Variants in ARAP2 observed in about 807,000 individuals in gnomAD.
The protein encoded by ARAP2 is arf-GAP with Rho-GAP domain, ANK repeat and PH domain-containing protein 2.
A neutral mutation model predicts 194.5 loss-of-function variants in ARAP2; 148 were observed. The ratio of observed to expected loss-of-function variants is 0.76; its 90% confidence interval spans 0.67 to 0.87. The LOEUF (loss-of-function observed/expected upper bound fraction) is 0.87. Ranked by LOEUF, ARAP2 falls within the 40% of genes least tolerant of loss-of-function variation. The probability of loss-of-function intolerance (pLI) is 0.00; values close to 1 mark genes in which losing one functional copy is unlikely to be tolerated. For synonymous variants in ARAP2, 695 were observed against 683.5 expected (o/e 1.02, Z -0.26); for missense variants, 2,128 against 1,989.7 (o/e 1.07, Z -1.32).
At chr4:36,059,039 C>T (rs2109270304) in intron 1 of ARAP2, among the ~76,000 whole-genome samples, 1 of 151,832 alleles carries the variant, frequency 6.6e-6, no homozygotes, top group South Asian at 2.1e-4. Context: ...AGTTCTAAGG[C>T]CTTTTCATGC....
chr4:36,053,140 G>A (rs1722960789), intron 2 of ARAP2, among the ~76,000 whole-genome samples: 1 of 151,684 alleles, frequency 6.6e-6, no homozygotes, highest in South Asian at 2.1e-4. Flanking sequence ...CTGAGTAGCT[G>A]GGGTTACAGG....
intron 2 of ARAP2, among the ~76,000 whole-genome samples, chr4:36,220,228 C>CGTGTGT (rs112046124): frequency 1.2e-4 from 18 of 149,642 alleles, no homozygotes; most frequent in Admixed American, 7.3e-4. Flanking sequence ...TATAGGCACA[C>CGTGTGT]GTGTGTGTGT....
chr4:36,094,299 CTA>C (rs1290422515), intron 27 of ARAP2, among the ~76,000 whole-genome samples: 1 of 152,100 alleles, frequency 6.6e-6, no homozygotes, highest in Non-Finnish European at 1.5e-5. Context: ...ACATTATGTA[CTA>C]TCTGTGGCTG....
intron 24 of ARAP2, 74 bp from the exon 25 acceptor site, chr4:36,117,209 T>C: frequency 9.8e-7 from 1 of 1,020,556 alleles, no homozygotes; most frequent in Non-Finnish European, 1.4e-6. Flanking sequence ...TGAAGACAGC[T>C]ATAAAGCCCC....
chr4:36,212,660 A>C (rs779697772), intron 4 of ARAP2, among the ~76,000 whole-genome samples, 173 bp from the exon 5 acceptor site: 10 of 90,584 alleles, frequency 1.1e-4, no homozygotes, highest in Non-Finnish European at 2.0e-4. Flanking sequence ...TCTACATTAA[A>C]CAGACTTTTG....
chr4:36,080,835 G>C (rs1729365185), intron 30 of ARAP2, among the ~76,000 whole-genome samples: 1 of 152,130 alleles, frequency 6.6e-6, no homozygotes, highest in Non-Finnish European at 1.5e-5. Context: ...TTGTCCTGAA[G>C]GCTCCTGTAG....
intron 3 of ARAP2, among the ~76,000 whole-genome samples, chr4:36,047,793 AG>A (rs1272451230): frequency 6.6e-6 from 1 of 152,206 alleles, no homozygotes; most frequent in Admixed American, 6.5e-5. Flanking sequence ...AAATTTCATT[AG>A]TATTCTTATT....
intron 6 of ARAP2, among the ~76,000 whole-genome samples, chr4:36,198,409 A>G (rs957548892): frequency 6.6e-6 from 1 of 152,190 alleles, no homozygotes; most frequent in African/African-American, 2.4e-5. Flanking sequence ...CCTAACCTTT[A>G]GGCCCTCCCT....
chr4:36,076,745 C>T (rs1375570146), intron 31 of ARAP2, among the ~76,000 whole-genome samples: 1 of 151,974 alleles, frequency 6.6e-6, no homozygotes, highest in African/African-American at 2.4e-5. Flanking sequence ...ATTTTAGCCC[C>T]AAACCTGTGC....
Position 36,080,394 on chromosome 4 carries a change from G to A in ARAP2, c.4545-115C>T, listed in dbSNP as rs1046623716. On this transcript the variant is annotated intron_variant, in intron 30 of 32. Transcript: ENST00000303965. ...CTCTGGGTCTCTCCTGATTAATGAC[G>A]TAATGCAATCACAAAAGTGGAACAT... 26 of 751,954 alleles carry A rather than the reference G, an allele frequency of 3.5e-5. No individual in the cohort carries two copies. The East Asian group carries it at 4.6e-4, about 13-fold the overall frequency. The allele number at this position is 751,954 out of a possible 1,614,324, so 46.6% of individuals were successfully genotyped here.
intron 6 of ARAP2, among the ~76,000 whole-genome samples, chr4:36,204,004 G>T (rs1434931661): frequency 2.0e-5 from 3 of 152,038 alleles, no homozygotes; most frequent in Admixed American, 1.3e-4. Flanking sequence ...AAAAGAACAT[G>T]TTTTGTATGT....
At chr4:36,136,974 G>A (rs949994852) in intron 19 of ARAP2, among the ~76,000 whole-genome samples, 4 of 151,362 alleles carry the variant, frequency 2.6e-5, no homozygotes, top group African/African-American at 9.7e-5. Flanking sequence ...ACGTATATAT[G>A]TAAAATCAAT....
chr4:36,098,319 A>G (rs969115929), intron 27 of ARAP2, among the ~76,000 whole-genome samples: 4 of 151,978 alleles, frequency 2.6e-5, no homozygotes, highest in Non-Finnish European at 5.9e-5. Flanking sequence ...ATTCCACTTC[A>G]TTCCCATTGT....
At chr4:36,136,612 G>A (rs1190836832) in intron 19 of ARAP2, among the ~76,000 whole-genome samples, 2 of 151,610 alleles carry the variant, frequency 1.3e-5, no homozygotes, top group Non-Finnish European at 2.9e-5. Context: ...AAACAAAACT[G>A]AAAAGCAAAT....
rs543633202 is a variant in ARAP2, at chr4:36,191,055, G to A, written c.1557+2523C>T. ...CACAGCATCTTTGGGGACAGTGTAA[G>A]AGCCCCTCTGCTCTAAGTCTGTAGA... On this transcript the variant is annotated intron_variant, in intron 7 of 32. Transcript: ENST00000303965. Among the ~76,000 whole-genome samples the A allele has an allele frequency of 3.3e-5, 5 of 152,328 alleles. 1 individual carries two copies. Among genetic ancestry groups the A allele is most frequent in the Admixed American group, 2.6e-4 (4 of 15,296 alleles).
chr4:36,146,717 T>C (rs1729706190), intron 19 of ARAP2, among the ~76,000 whole-genome samples: 2 of 152,086 alleles, frequency 1.3e-5, no homozygotes, highest in Admixed American at 1.3e-4. Flanking sequence ...CTGTGTAGAA[T>C]TTAAAATTGA....
At chr4:36,152,652 C>T (rs944177348) in intron 15 of ARAP2, among the ~76,000 whole-genome samples, 3 of 141,860 alleles carry the variant, frequency 2.1e-5, no homozygotes, top group Non-Finnish European at 3.0e-5. Flanking sequence ...GGAGGTAAGC[C>T]CCCCCACCAT....
chr4:36,099,302 G>A (rs573739213), intron 27 of ARAP2, among the ~76,000 whole-genome samples: 29 of 152,014 alleles, frequency 1.9e-4, no homozygotes, highest in Admixed American at 5.2e-4. Context: ...CCAGTCTATC[G>A]TTGATGAGTA....
At chr4:36,059,898 T>C (rs1724132770) in intron 1 of ARAP2, among the ~76,000 whole-genome samples, 1 of 152,024 alleles carries the variant, frequency 6.6e-6, no homozygotes, top group Non-Finnish European at 1.5e-5. Context: ...CGAAGAGTAA[T>C]GGGAAACAAA....
Sources: gnomAD v4.1 joint callset for allele counts (sites outside exome capture counted in the v4.1 genomes callset) on GRCh38, gnomAD v4.1.1 for gene constraint, MANE v1.5 for transcripts, NCBI Gene and HGNC (gene_info 2026-07-23, HGNC 2026-07-21) for gene names.